The following MAGI3 variants were observed in gnomAD, a reference collection of about 807,000 sequenced individuals.
The protein encoded by MAGI3 is membrane-associated guanylate kinase, WW and PDZ domain-containing protein 3.
A neutral mutation model predicts 121.8 loss-of-function variants in MAGI3; 43 were observed. That is an observed-to-expected ratio of 0.35 (90% CI 0.28 to 0.46). The LOEUF (loss-of-function observed/expected upper bound fraction) is 0.46. Among genes scored for constraint, MAGI3 ranks in the 20% least tolerant of loss-of-function variants. The probability of loss-of-function intolerance (pLI) is 1.00; values close to 1 mark genes in which losing one functional copy is unlikely to be tolerated. For synonymous variants in MAGI3, 553 were observed against 639.3 expected (o/e 0.86, Z 2.04); for missense variants, 1,547 against 1,797.3 (o/e 0.86, Z 2.52).
At chr1:113,536,161 A>ATTT (rs1278336055) in intron 1 of MAGI3, among the ~76,000 whole-genome samples, 41 of 149,822 alleles carry the variant, frequency 2.7e-4, no homozygotes, top group Admixed American at 1.1e-3. Context: ...TTTTTTTTTA[A>ATTT]AAAAATTTGA....
intron 1 of MAGI3, among the ~76,000 whole-genome samples, chr1:113,408,698 CA>C (rs1436218583): frequency 5.3e-5 from 8 of 151,950 alleles, no homozygotes; most frequent in Admixed American, 4.6e-4. Flanking sequence ...TTGAAGTGGT[CA>C]TTCTCTGTTC....
chr1:113,651,679 C>T (rs912971562), intron 14 of MAGI3, among the ~76,000 whole-genome samples: 2 of 152,068 alleles, frequency 1.3e-5, no homozygotes, highest in Non-Finnish European at 2.9e-5. Context: ...TTAGTAGAGA[C>T]GGGGTTTCAC....
intron 19 of MAGI3, among the ~76,000 whole-genome samples, chr1:113,677,184 A>C (rs370744026): frequency 6.6e-6 from 1 of 152,248 alleles, no homozygotes; most frequent in Non-Finnish European, 1.5e-5. Flanking sequence ...GAAATAGCTG[A>C]ATGGAAAAGG....
At chr1:113,639,203 C>T (rs570059887) in intron 9 of MAGI3, among the ~76,000 whole-genome samples, 2 of 152,354 alleles carry the variant, frequency 1.3e-5, no homozygotes, top group Non-Finnish European at 2.9e-5. Flanking sequence ...GGCAATGCCT[C>T]GCCCTGCTTC....
At chr1:113,557,412 C>T (rs1156870236) in intron 2 of MAGI3, among the ~76,000 whole-genome samples, 1 of 152,196 alleles carries the variant, frequency 6.6e-6, no homozygotes, top group African/African-American at 2.4e-5. Flanking sequence ...AGAAGTGGTT[C>T]TCCACCAGGA....
chr1:113,395,976 C>A (rs1296167501), intron 1 of MAGI3, among the ~76,000 whole-genome samples: 1 of 151,946 alleles, frequency 6.6e-6, no homozygotes, highest in Non-Finnish European at 1.5e-5. Context: ...ATTATTTTTC[C>A]TCTGAGATCC....
intron 1 of MAGI3, among the ~76,000 whole-genome samples, chr1:113,547,953 T>TTTA (rs1659612188): frequency 1.3e-5 from 2 of 152,178 alleles, no homozygotes; most frequent in Admixed American, 6.5e-5. Flanking sequence ...AGGGTTTGTG[T>TTTA]TTATTAGTTT....
intron 19 of MAGI3, among the ~76,000 whole-genome samples, chr1:113,676,309 T>TA (rs1647862951): frequency 6.6e-6 from 1 of 152,126 alleles, no homozygotes; most frequent in South Asian, 2.1e-4. Context: ...CACATGCTTG[T>TA]AATCCCAGCT....
intron 1 of MAGI3, among the ~76,000 whole-genome samples, chr1:113,538,488 C>T (rs1487759878): frequency 3.3e-5 from 5 of 152,054 alleles, no homozygotes; most frequent in South Asian, 2.1e-4. Context: ...CTGATGTGAG[C>T]GTCACAAAGA....
rs1648456664 is a variant in MAGI3, at chr1:113,684,926, G to A, written c.*912G>A. ...GCTGTACCTACTACTAAAGTCATTA[G>A]TCTTTAATACATAATACATATTTGA... On this transcript the variant is annotated 3_prime_UTR_variant, in exon 21 of 21. Coordinates refer to ENST00000307546, the MANE Select transcript of MAGI3 (RefSeq NM_001142782.2). 6.6e-6 allele frequency: 1 copy of A among 152,320 alleles called. No homozygotes were observed. The highest frequency in any genetic ancestry group is 1.9e-4 in the East Asian group (1 of 5,340). 9.4% of individuals were successfully genotyped at this position (152,320 alleles called of 1,614,324 possible).
chr1:113,402,059 A>G (rs1041349267), intron 1 of MAGI3, among the ~76,000 whole-genome samples: 16 of 152,238 alleles, frequency 1.1e-4, no homozygotes, highest in Non-Finnish European at 1.6e-4. Flanking sequence ...GGCAGAAGTC[A>G]TAGCATAAGC....
At position 113,407,626 on chromosome 1, in the gene MAGI3, G is replaced by C. The variant is rs192786506; in HGVS notation, c.316+16277G>C. 2.6e-3 allele frequency among the ~76,000 whole-genome samples: 395 copies of C among 151,658 alleles called. 2 individuals are homozygous for C. Among genetic ancestry groups the C allele is most frequent in the African/African-American group, 9.2e-3 (379 of 41,312 alleles). On this transcript the variant is annotated intron_variant, in intron 1 of 20. Transcript: ENST00000307546. ...ATTGCAATGCATTTCCACAAGAAAG[G>C]CTTTTAAGTGCCCAGTTTTTCTAAT...
intron 7 of MAGI3, among the ~76,000 whole-genome samples, chr1:113,615,673 G>T (rs1473595967): frequency 6.6e-6 from 1 of 152,030 alleles, no homozygotes; most frequent in Non-Finnish European, 1.5e-5. Flanking sequence ...AAAATTAAAT[G>T]TGTCTCCTAA....
At chr1:113,601,738 C>T (rs1227814024) in intron 6 of MAGI3, among the ~76,000 whole-genome samples, 1 of 144,152 alleles carries the variant, frequency 6.9e-6, no homozygotes, top group Non-Finnish European at 1.5e-5. Context: ...ACCCAAAGGA[C>T]TATAAATCAT....
At chr1:113,667,987 T>C (rs1647266965) in intron 16 of MAGI3, among the ~76,000 whole-genome samples, 1 of 152,150 alleles carries the variant, frequency 6.6e-6, no homozygotes, top group Non-Finnish European at 1.5e-5. Flanking sequence ...TAGAGACAAG[T>C]AACTTGAAAT....
At chr1:113,590,683 T>C in intron 5 of MAGI3, 25 bp downstream of exon 5, 1 of 1,601,522 alleles carries the variant, frequency 6.2e-7, no homozygotes, top group Non-Finnish European at 8.5e-7. Context: ...CTATCTCTTC[T>C]AATGTGCCCT....
At chr1:113,662,675 AT>A (rs1653842448) in intron 16 of MAGI3, among the ~76,000 whole-genome samples, 1 of 152,134 alleles carries the variant, frequency 6.6e-6, no homozygotes, top group Non-Finnish European at 1.5e-5. Flanking sequence ...GCATTCTAGT[AT>A]GTTTTATGTA....
chr1:113,454,481 A>G (rs191801049), intron 1 of MAGI3, among the ~76,000 whole-genome samples: 1 of 152,152 alleles, frequency 6.6e-6, no homozygotes, highest in Non-Finnish European at 1.5e-5. Flanking sequence ...AGTATCTATT[A>G]CACAGAATTT....
intron 1 of MAGI3, among the ~76,000 whole-genome samples, chr1:113,401,834 A>G (rs1332677404): frequency 1.3e-5 from 2 of 152,216 alleles, no homozygotes; most frequent in African/African-American, 4.8e-5. Context: ...ATTGCATTTA[A>G]GTAGACCTTT....
Sources: allele counts gnomAD v4.1 joint callset (sites outside exome capture counted in the v4.1 genomes callset), GRCh38; gene constraint gnomAD v4.1.1; transcripts MANE v1.5; gene names NCBI Gene and HGNC (gene_info 2026-07-23, HGNC 2026-07-21).